Variants in GRIA3 observed in about 807,000 individuals in gnomAD.
GRIA3 encodes glutamate ionotropic receptor AMPA type subunit 3, also known as glutamate receptor 3.
A neutral mutation model predicts 63.0 loss-of-function variants in GRIA3; 3 were observed. The ratio of observed to expected loss-of-function variants is 0.05; its 90% CI spans 0.02 to 0.12. The LOEUF is 0.12. GRIA3 is among the 10% of genes least tolerant of loss of function. The pLI is 1.00. For synonymous variants in GRIA3, 274 were observed against 257.9 expected, an observed-to-expected ratio of 1.06 and a Z score of -0.60; for missense variants, 347 against 700.9, an observed-to-expected ratio of 0.50 and a Z score of 5.70.
At chrX:123,209,219 C>T (rs1348843082) in intron 2 of GRIA3, among the ~76,000 whole-genome samples, 1 of 111,922 alleles carries the variant, frequency 8.9e-6, no homozygotes. Context: ...CAAGTCTCAA[C>T]CTCCCTGAAT....
At chrX:123,285,543 G>A (rs1448968759) in intron 3 of GRIA3, among the ~76,000 whole-genome samples, 69 of 50,589 alleles carry the variant, frequency 1.4e-3, no homozygotes, top group African/African-American at 5.5e-3. Flanking sequence ...TCAAAATAAA[G>A]GGATGGAAAA....
At chrX:123,335,321 A>G (rs1282039041) in intron 4 of GRIA3, among the ~76,000 whole-genome samples, 1 of 111,769 alleles carries the variant, frequency 8.9e-6, no homozygotes. Flanking sequence ...GGTTGATCAA[A>G]GCTGTGCCAC....
chrX:123,347,948 A>G (rs1177139029), intron 4 of GRIA3, among the ~76,000 whole-genome samples: 2 of 111,920 alleles, frequency 1.8e-5, no homozygotes, highest in African/African-American at 6.5e-5. Flanking sequence ...TCTTGAGCCA[A>G]TGAAGGAAGT....
intron 5 of GRIA3, among the ~76,000 whole-genome samples, chrX:123,385,882 T>C (rs1254186270): frequency 8.9e-6 from 1 of 112,465 alleles, no homozygotes; most frequent in Non-Finnish European, 1.9e-5. Flanking sequence ...TTAATAGTGC[T>C]GCAATATACA....
chrX:123,356,284 TTTC>T (rs2045133287), intron 5 of GRIA3, among the ~76,000 whole-genome samples: 1 of 110,217 alleles, frequency 9.1e-6, no homozygotes. Context: ...CCTTCCTTCC[TTTC>T]TTCTTTCCTT....
intron 10 of GRIA3, among the ~76,000 whole-genome samples, chrX:123,413,240 T>C (rs1363880512): frequency 1.8e-5 from 2 of 110,851 alleles, no homozygotes; most frequent in Non-Finnish European, 3.8e-5. Flanking sequence ...GACCCCAAAT[T>C]CCTTAAATTC....
intron 4 of GRIA3, among the ~76,000 whole-genome samples, chrX:123,341,649 C>T (rs950227292): frequency 8.9e-6 from 1 of 112,443 alleles, no homozygotes; most frequent in Admixed American, 9.4e-5. Context: ...AAGCCAAAAT[C>T]GTGTTCAGTT....
At chrX:123,256,967 T>C (rs1265118187) in intron 3 of GRIA3, among the ~76,000 whole-genome samples, 2 of 111,289 alleles carry the variant, frequency 1.8e-5, no homozygotes, top group Non-Finnish European at 3.8e-5. Flanking sequence ...GAAGGCTTCA[T>C]GGATGATTAC....
intron 4 of GRIA3, among the ~76,000 whole-genome samples, chrX:123,339,468 C>A (rs1329207459): frequency 3.6e-5 from 4 of 111,739 alleles, no homozygotes; most frequent in African/African-American, 1.3e-4. Flanking sequence ...TAGTTCCAGG[C>A]CTCAAGAAAC....
At chrX:123,213,034 C>G (rs1928077167) in intron 2 of GRIA3, among the ~76,000 whole-genome samples, 1 of 111,428 alleles carries the variant, frequency 9.0e-6, no homozygotes. Context: ...CATTAGATTC[C>G]CATAGGAATG....
chrX:123,376,066 C>G (rs1241142380), intron 5 of GRIA3, among the ~76,000 whole-genome samples: 1 of 111,611 alleles, frequency 9.0e-6, no homozygotes, highest in African/African-American at 3.3e-5. Context: ...GAAAAATGGT[C>G]TCCTAATATT....
chrX:123,258,172 A>G (rs1022654726), intron 3 of GRIA3, among the ~76,000 whole-genome samples: 3 of 112,190 alleles, frequency 2.7e-5, no homozygotes. Flanking sequence ...CTCTGTCTCA[A>G]CCTGCTTCTA....
At chrX:123,477,647 G>C (rs1337690769) in intron 13 of GRIA3, among the ~76,000 whole-genome samples, 1 of 111,810 alleles carries the variant, frequency 8.9e-6, no homozygotes, top group African/African-American at 3.3e-5. Context: ...ATCCTCCGGG[G>C]GTCCCTGGAC....
chrX:123,217,389 G>A, intron 2 of GRIA3, among the ~76,000 whole-genome samples: 1 of 111,775 alleles, frequency 8.9e-6, no homozygotes, highest in South Asian at 3.8e-4. Flanking sequence ...CTCAGCATCA[G>A]CAAAAGAAGG....
In GRIA3 at chrX:123,343,447, T is replaced by C. The variant is rs1336487443; in HGVS notation, c.697-11463T>C. On this transcript the variant is annotated intron_variant, in intron 4 of 15. Transcript: ENST00000620443. ...CTTTCTGCAATACACTTTTCAGATT[T>C]TCTATTATTTTAAATAGGCCATCTT... 6.3e-5 allele frequency among the ~76,000 whole-genome samples: 7 copies of C among 111,694 alleles called. No homozygotes were observed. In the Admixed American group the frequency reaches 6.7e-4, roughly 11 times the overall value.
chrX:123,380,624 T>C (rs1392383752), intron 5 of GRIA3, among the ~76,000 whole-genome samples: 1 of 112,132 alleles, frequency 8.9e-6, no homozygotes, highest in African/African-American at 3.2e-5. Context: ...TAGTTTCTTT[T>C]GCTGTGCAGA....
At chrX:123,458,296 T>C (rs1303704694) in intron 12 of GRIA3, among the ~76,000 whole-genome samples, 1 of 109,116 alleles carries the variant, frequency 9.2e-6, no homozygotes, top group African/African-American at 3.3e-5. Context: ...GGGATAACCA[T>C]TGCAAAGCAA....
intron 12 of GRIA3, among the ~76,000 whole-genome samples, chrX:123,459,573 T>C (rs12396914): frequency 0.11 from 12,282 of 111,774 alleles, 1,242 homozygotes; most frequent in African/African-American, 0.32. Context: ...CTTTGGATTT[T>C]GGTTGCTAAT....
chrX:123,326,128 G>A lies in GRIA3; in HGVS notation c.611G>A (p.Arg204His), dbSNP rs1392959973. 10 of 1,206,610 alleles carry A rather than the reference G, an allele frequency of 8.3e-6. No homozygotes were observed. The highest frequency in any genetic ancestry group is 2.3e-4 in the Middle Eastern group (1 of 4,344). ...GNIKDVQEFRRIIEEMDRRQE... is the reference protein window; with the variant it reads ...GNIKDVQEFRHIIEEMDRRQE... ...ATAAAGGACGTCCAAGAATTCAGGC[G>A]CATCATTGAAGAAATGGACAGGAGG... is the stretch of plus-strand genomic sequence containing the variant. The change falls in exon 4 of 16, where the codon CGC becomes CAC. Residue 204 changes from arginine to histidine, a missense_variant. Arg to His is a conservative substitution (Grantham distance 29, BLOSUM62 0). Transcript: ENST00000620443.
Sources: gnomAD v4.1 joint callset for allele counts (sites outside exome capture counted in the v4.1 genomes callset) on GRCh38, gnomAD v4.1.1 for gene constraint, MANE v1.5 for transcripts, NCBI Gene and HGNC (gene_info 2026-07-23, HGNC 2026-07-21) for gene names.